CREB5: variants seen among roughly 807,000 people sequenced by gnomAD.
The protein encoded by CREB5 is cyclic AMP-responsive element-binding protein 5.
In CREB5, 19 loss-of-function variants were observed where a neutral mutation model predicts 57.1. The ratio of observed to expected loss-of-function variants is 0.33; its 90% CI spans 0.23 to 0.49. The LOEUF is 0.49. Among genes scored for constraint, CREB5 ranks in the 20% least tolerant of loss-of-function variants. The pLI is 0.99. For synonymous variants in CREB5, 238 were observed against 238.3 expected, an observed-to-expected ratio of 1.00 and a Z score of 0.01; for missense variants, 579 against 671.6, an observed-to-expected ratio of 0.86 and a Z score of 1.52.
At chr7:28,637,041 C>A (rs1798448372) in intron 5 of CREB5, among the ~76,000 whole-genome samples, 1 of 152,028 alleles carries the variant, frequency 6.6e-6, no homozygotes, top group South Asian at 2.1e-4. Flanking sequence ...GTGGTCCCAG[C>A]TACTTGGGAG....
intron 1 of CREB5, among the ~76,000 whole-genome samples, chr7:28,447,927 G>C (rs1193549964): frequency 6.6e-6 from 1 of 152,210 alleles, no homozygotes; most frequent in African/African-American, 2.4e-5. Flanking sequence ...CTTTTTGGGA[G>C]AGTGTATGTG....
At chr7:28,671,953 T>A (rs1045443963) in intron 5 of CREB5, among the ~76,000 whole-genome samples, 1 of 152,126 alleles carries the variant, frequency 6.6e-6, no homozygotes, top group East Asian at 1.9e-4. Context: ...TATTACACTT[T>A]CTTAATCTTT....
At position 28,751,530 on chromosome 7, in the gene CREB5, G is replaced by C. The variant is rs187822742; in HGVS notation, c.702+27198G>C. On this transcript the variant is annotated intron_variant, in intron 7 of 10. Transcript: ENST00000357727. ...ACGAGGATCCAGTGCCTTCCAGAGA[G>C]GGCTTGCCTCCCTAGTTATGTGGAA... Among the ~76,000 whole-genome samples the C allele has an allele frequency of 5.3e-5, 8 of 152,248 alleles. No homozygotes were observed. In the East Asian group the frequency reaches 1.2e-3, roughly 22 times the overall value.
At chr7:28,425,455 G>C (rs866606206) in intron 1 of CREB5, among the ~76,000 whole-genome samples, 43 of 152,248 alleles carry the variant, frequency 2.8e-4, no homozygotes, top group Admixed American at 1.4e-3. Flanking sequence ...GGGGAGTTCA[G>C]GGGTGACCAT....
chr7:28,424,531 C>A (rs1287566946), intron 1 of CREB5, among the ~76,000 whole-genome samples: 1 of 152,184 alleles, frequency 6.6e-6, no homozygotes, highest in African/African-American at 2.4e-5. Flanking sequence ...CAAAACAAGC[C>A]TACTCTTAAA....
At chr7:28,453,746 C>A (rs1789950189) in intron 1 of CREB5, among the ~76,000 whole-genome samples, 1 of 152,214 alleles carries the variant, frequency 6.6e-6, no homozygotes, top group Non-Finnish European at 1.5e-5. Flanking sequence ...TGCTGCTGTT[C>A]TAGATATATC....
intron 1 of CREB5, among the ~76,000 whole-genome samples, chr7:28,414,071 G>A (rs1274976238): frequency 1.3e-5 from 2 of 151,858 alleles, no homozygotes; most frequent in African/African-American, 4.8e-5. Flanking sequence ...CTTTGTATTT[G>A]TAGTTCATTT....
chr7:28,390,312 C>G (rs1787191230), intron 1 of CREB5, among the ~76,000 whole-genome samples: 1 of 151,996 alleles, frequency 6.6e-6, no homozygotes, highest in South Asian at 2.1e-4. Flanking sequence ...CTGTGCAGTC[C>G]GTTCATAAAA....
chr7:28,790,454 GAGAGAGATAGAGAGAGAGAGAA>G (rs1457990500), intron 7 of CREB5, among the ~76,000 whole-genome samples: 15 of 35,000 alleles, frequency 4.3e-4, no homozygotes, highest in African/African-American at 1.6e-3. Context: ...GAGAGAGAGA[GAGAGAGATAGAGAGAGAGAGAA>G]AGAAAGAAAG....
intron 5 of CREB5, among the ~76,000 whole-genome samples, chr7:28,658,965 A>ATATATATATATG (rs1799467970): frequency 7.4e-5 from 10 of 135,640 alleles, no homozygotes; most frequent in Non-Finnish European, 9.8e-5. Context: ...ATATATATAT[A>ATATATATATATG]TATATATATA....
rs183412287 is a variant in CREB5, at chr7:28,588,594, G to A, written c.464+18057G>A. On this transcript the variant is annotated intron_variant, in intron 5 of 10. Coordinates refer to ENST00000357727, the MANE Select transcript of CREB5 (RefSeq NM_182898.4). ...TCTTCAGTACCTTTCAACAAAATACGCATCCTTCATTCAGCAAATATTTAC... is the reference window on the plus strand; with the variant it reads ...TCTTCAGTACCTTTCAACAAAATACACATCCTTCATTCAGCAAATATTTAC... Among the ~76,000 whole-genome samples the A allele has an allele frequency of 3.1e-3, 469 of 152,212 alleles. 9 individuals are homozygous for A. The highest frequency in any genetic ancestry group is 0.027 in the Admixed American group (416 of 15,298).
chr7:28,410,514 C>A, upstream of CREB5: 1 of 456,668 alleles, frequency 2.2e-6, no homozygotes, highest in Non-Finnish European at 4.4e-6. Context: ...TTCTTCTTTG[C>A]CATAGATTTA....
chr7:28,537,182 T>G (rs1793996869), intron 4 of CREB5, among the ~76,000 whole-genome samples: 1 of 152,228 alleles, frequency 6.6e-6, no homozygotes, highest in Non-Finnish European at 1.5e-5. Context: ...CTAATACATT[T>G]TATTGTCTAT....
chr7:28,315,855 C>T (rs563689727), intron 1 of CREB5, among the ~76,000 whole-genome samples: 61 of 152,244 alleles, frequency 4.0e-4, no homozygotes, highest in African/African-American at 1.4e-3. Context: ...CTCTGGGACA[C>T]GGAGGACTGG....
rs139883633 is a variant in CREB5, at chr7:28,538,274, G to A, written c.291+30537G>A. Reference sequence around the variant, plus strand: ...TCGCCATGTTGGCCAGGCTGGTCTCGAACTCCTGACCTCAAGTGATCTGCC... The same window carrying A: ...TCGCCATGTTGGCCAGGCTGGTCTCAAACTCCTGACCTCAAGTGATCTGCC... On this transcript the variant is annotated intron_variant, in intron 4 of 10. Coordinates refer to ENST00000357727, the MANE Select transcript of CREB5 (RefSeq NM_182898.4). Among the ~76,000 whole-genome samples, 488 of 152,128 alleles carry A rather than the reference G, an allele frequency of 3.2e-3. 2 individuals carry two copies. Among genetic ancestry groups the A allele is most frequent in the African/African-American group, 0.011 (474 of 41,506 alleles).
chr7:28,632,942 A>G (rs1460638106), intron 5 of CREB5, among the ~76,000 whole-genome samples: 5 of 152,232 alleles, frequency 3.3e-5, no homozygotes, highest in African/African-American at 1.2e-4. Flanking sequence ...TTTGTATAAT[A>G]GTGTATTATA....
chr7:28,614,221 A>C (rs1051183190), intron 5 of CREB5, among the ~76,000 whole-genome samples: 1 of 152,170 alleles, frequency 6.6e-6, no homozygotes, highest in Non-Finnish European at 1.5e-5. Context: ...GGCCCCCTGA[A>C]GTGTTGGGAT....
intron 7 of CREB5, among the ~76,000 whole-genome samples, chr7:28,747,419 C>T (rs1172455869): frequency 6.6e-6 from 1 of 152,198 alleles, no homozygotes; most frequent in African/African-American, 2.4e-5. Context: ...AGCAAAGTGG[C>T]TGAGCAACAA....
chr7:28,536,583 A>G lies in CREB5; in HGVS notation c.291+28846A>G, dbSNP rs533081650. Among the ~76,000 whole-genome samples, 100 of 152,300 alleles carry G rather than the reference A, an allele frequency of 6.6e-4. No homozygotes were observed. In the Middle Eastern group the frequency reaches 0.01, roughly 16 times the overall value. On this transcript the variant is annotated intron_variant, in intron 4 of 10. Transcript: ENST00000357727. Reference sequence around the variant, plus strand: ...CAGCCTGGGGCTTGTGGAATCACCTACTGAATCAGGTTTACCTCTGGCATT... The same window carrying G: ...CAGCCTGGGGCTTGTGGAATCACCTGCTGAATCAGGTTTACCTCTGGCATT...
Sources: gnomAD v4.1 joint callset for allele counts (sites outside exome capture counted in the v4.1 genomes callset) on GRCh38, gnomAD v4.1.1 for gene constraint, MANE v1.5 for transcripts, NCBI Gene and HGNC (gene_info 2026-07-23, HGNC 2026-07-21) for gene names.